The following DHRSX variants were observed in gnomAD, a reference collection of about 807,000 sequenced individuals.
The protein encoded by DHRSX is polyprenol dehydrogenase.
In DHRSX, 31 loss-of-function variants were observed where a neutral mutation model predicts 34.0. That is an observed-to-expected ratio of 0.91 (90% CI 0.69 to 1.23). The LOEUF is 1.23. Among genes scored for constraint, DHRSX ranks in the 50% most tolerant of loss-of-function variants. DHRSX has a pLI of 0.00. For synonymous variants in DHRSX, 201 were observed against 183.8 expected (o/e 1.09, Z -0.76); for missense variants, 414 against 428.1 (o/e 0.97, Z 0.29).
intron 1 of DHRSX, among the ~76,000 whole-genome samples, chrX:2,464,921 C>T (rs1370369339): frequency 6.6e-6 from 1 of 150,800 alleles, no homozygotes; most frequent in African/African-American, 2.4e-5. Flanking sequence ...TGTTCCCTAA[C>T]CATAGGCCAA....
intron 1 of DHRSX, among the ~76,000 whole-genome samples, chrX:2,483,121 T>C (rs2044799019): frequency 6.6e-6 from 1 of 152,130 alleles, no homozygotes; most frequent in Non-Finnish European, 1.5e-5. Flanking sequence ...GGTCTCACTC[T>C]TTTGCCCAGG....
chrX:2,442,328 G>C (rs751815833), intron 1 of DHRSX, among the ~76,000 whole-genome samples: 1 of 150,226 alleles, frequency 6.7e-6, no homozygotes, highest in Non-Finnish European at 1.5e-5. Flanking sequence ...GGGTGGCAGA[G>C]GTGGCAGAAA....
chrX:2,493,334 A>C (rs1017341516), intron 1 of DHRSX, among the ~76,000 whole-genome samples: 26 of 151,902 alleles, frequency 1.7e-4, no homozygotes, highest in East Asian at 5.8e-4. Flanking sequence ...TCATCATCAT[A>C]TTATTATTTG....
intron 3 of DHRSX, among the ~76,000 whole-genome samples, chrX:2,310,026 A>C (rs1221189919): frequency 6.6e-6 from 1 of 152,152 alleles, no homozygotes; most frequent in Non-Finnish European, 1.5e-5. Flanking sequence ...ACCAACAGCC[A>C]ACACAGCCCC....
At chrX:2,421,541 T>C (rs986721506) in intron 2 of DHRSX, among the ~76,000 whole-genome samples, 1 of 152,226 alleles carries the variant, frequency 6.6e-6, no homozygotes, top group African/African-American at 2.4e-5. Flanking sequence ...GAAGGCCACA[T>C]GGGCTGAACA....
At chrX:2,350,845 A>G (rs1259214870) in intron 3 of DHRSX, among the ~76,000 whole-genome samples, 1 of 152,212 alleles carries the variant, frequency 6.6e-6, no homozygotes, top group Non-Finnish European at 1.5e-5. Flanking sequence ...TCCATCAATG[A>G]TAAGACTGGA....
intron 3 of DHRSX, among the ~76,000 whole-genome samples, chrX:2,379,879 G>A (rs1452092028): frequency 1.3e-5 from 2 of 152,020 alleles, no homozygotes; most frequent in Admixed American, 1.3e-4. Context: ...GAACAATTAT[G>A]AGGGTAATTA....
At chrX:2,428,708 G>A (rs1300528202) in intron 1 of DHRSX, among the ~76,000 whole-genome samples, 42 of 152,176 alleles carry the variant, frequency 2.8e-4, no homozygotes, top group African/African-American at 8.2e-4. Context: ...ACCATGGCAC[G>A]TGTATACCTA....
intron 6 of DHRSX, among the ~76,000 whole-genome samples, chrX:2,240,146 AGCCAGGCTTGATGGCAGGT>A (rs1258158467): frequency 6.6e-6 from 1 of 152,054 alleles, no homozygotes; most frequent in Non-Finnish European, 1.5e-5. Context: ...CACAACACTT[AGCCAGGCTTGATGGCAGGT>A]GCCTGCAGTC....
intron 1 of DHRSX, among the ~76,000 whole-genome samples, chrX:2,469,508 G>A (rs900989431): frequency 6.0e-5 from 9 of 151,014 alleles, no homozygotes; most frequent in African/African-American, 2.2e-4. Flanking sequence ...GTGGCTAACA[G>A]ACTGCGACCA....
intron 3 of DHRSX, among the ~76,000 whole-genome samples, chrX:2,318,341 A>G (rs2042265517): frequency 6.6e-6 from 1 of 151,278 alleles, no homozygotes; most frequent in Admixed American, 6.6e-5. Context: ...CACAGTGACA[A>G]CCCAATCTCA....
intron 5 of DHRSX, among the ~76,000 whole-genome samples, chrX:2,246,712 G>GAAAGAA (rs2016298310): frequency 2.1e-5 from 2 of 94,464 alleles, no homozygotes; most frequent in Non-Finnish European, 5.2e-5. Context: ...GAAAGAGAAA[G>GAAAGAA]AAAGAAAGAA....
At chrX:2,234,079 C>T (rs2015958961) in intron 6 of DHRSX, among the ~76,000 whole-genome samples, 1 of 152,238 alleles carries the variant, frequency 6.6e-6, no homozygotes, top group Admixed American at 6.5e-5. Context: ...CGTCATCTCC[C>T]TTCTTTCTCT....
intron 3 of DHRSX, among the ~76,000 whole-genome samples, chrX:2,321,896 T>A (rs942797918): frequency 1.8e-4 from 28 of 152,138 alleles, no homozygotes; most frequent in African/African-American, 5.3e-4. Context: ...TTCATGACGA[T>A]CCACTCCCAC....
intron 1 of DHRSX, among the ~76,000 whole-genome samples, chrX:2,458,014 A>C (rs1447174064): frequency 3.3e-5 from 5 of 150,062 alleles, no homozygotes; most frequent in African/African-American, 1.2e-4. Context: ...GTTCCCTAAG[A>C]ATGCGGCCAA....
At chrX:2,266,649 G>T in intron 5 of DHRSX, 91 bp downstream of exon 5, 1 of 1,284,508 alleles carries the variant, frequency 7.8e-7, no homozygotes, top group East Asian at 2.3e-5. Flanking sequence ...TCCAGCAGAT[G>T]CAGGGAGCGC....
chrX:2,352,974 C>G (rs2042805848), intron 3 of DHRSX, among the ~76,000 whole-genome samples: 2 of 152,174 alleles, frequency 1.3e-5, no homozygotes, highest in Admixed American at 1.3e-4. Flanking sequence ...GACGCAGTGG[C>G]TCCTGCCTGT....
intron 3 of DHRSX, among the ~76,000 whole-genome samples, chrX:2,395,859 CA>C (rs1478992030): frequency 6.6e-6 from 1 of 152,138 alleles, no homozygotes; most frequent in Non-Finnish European, 1.5e-5. Flanking sequence ...CCTCTATCAG[CA>C]ATGCAACTAG....
chrX:2,462,385 C>A (rs2044415161), intron 1 of DHRSX, among the ~76,000 whole-genome samples: 2 of 151,982 alleles, frequency 1.3e-5, no homozygotes, highest in Admixed American at 1.3e-4. Context: ...AATAATATTT[C>A]TTGACACAAC....
Sources: allele counts gnomAD v4.1 joint callset (sites outside exome capture counted in the v4.1 genomes callset), GRCh38; gene constraint gnomAD v4.1.1; transcripts MANE v1.5; gene names NCBI Gene and HGNC (gene_info 2026-07-23, HGNC 2026-07-21).